The following FAM149B1 variants were observed in gnomAD, a reference collection of about 807,000 sequenced individuals.
The protein encoded by FAM149B1 is primary cilium assembly protein FAM149B1.
Under a neutral mutation model 75.3 loss-of-function variants are expected in FAM149B1, and 56 were observed. The ratio of observed to expected loss-of-function variants is 0.74; its 90% confidence interval spans 0.60 to 0.93. FAM149B1 has a LOEUF of 0.93. Among genes scored for constraint, FAM149B1 ranks in the 40% least tolerant of loss-of-function variants. The pLI, the probability that FAM149B1 is intolerant of heterozygous loss-of-function variation, is 0.00. For missense variants in FAM149B1, 639 were observed against 708.4 expected (o/e 0.90, Z 1.11); for synonymous variants, 259 against 256.1 (o/e 1.01, Z -0.11).
chr10:73,228,030 A>G, intron 7 of FAM149B1, 30 bp from the exon 8 acceptor site: 1 of 1,549,540 alleles, frequency 6.5e-7, no homozygotes. Flanking sequence ...AAGATTATCC[A>G]TGGATAATAT....
intron 5 of FAM149B1, among the ~76,000 whole-genome samples, chr10:73,199,486 A>G (rs12242638): frequency 0.15 from 23,281 of 151,774 alleles, 2,895 homozygotes; most frequent in African/African-American, 0.32. Context: ...CAAAGTGCTG[A>G]GATTACAGGC....
chr10:73,191,780 A>G (rs2042690590), intron 3 of FAM149B1, among the ~76,000 whole-genome samples: 2 of 152,174 alleles, frequency 1.3e-5, no homozygotes, highest in Admixed American at 1.3e-4. Context: ...TAAAATTAGC[A>G]ATCTATCTTT....
chr10:73,225,712 G>A (rs1174409824), intron 7 of FAM149B1, among the ~76,000 whole-genome samples: 1 of 152,158 alleles, frequency 6.6e-6, no homozygotes, highest in African/African-American at 2.4e-5. Context: ...CACTCACTCA[G>A]TGACTCACTC....
intron 7 of FAM149B1, 96 bp downstream of exon 7, chr10:73,210,534 TG>T: frequency 1.2e-6 from 1 of 848,538 alleles, no homozygotes; most frequent in Non-Finnish European, 1.8e-6. Context: ...GTGCAAAAGG[TG>T]CGTATGGGCC....
At chr10:73,236,557 G>A (rs369674445) in intron 12 of FAM149B1, among the ~76,000 whole-genome samples, 16 of 151,966 alleles carry the variant, frequency 1.1e-4, no homozygotes, top group Admixed American at 8.5e-4. Flanking sequence ...GGGACTACAG[G>A]TGCCTGCCAC....
rs2043963618 is a variant in FAM149B1, at chr10:73,242,299, C to T, written c.*1280C>T. 1 of 152,086 alleles carries T rather than the reference C, an allele frequency of 6.6e-6. No homozygotes were observed. Among genetic ancestry groups the T allele is most frequent in the Admixed American group, 6.5e-5 (1 of 15,278 alleles). 9.4% of individuals were successfully genotyped at this position (152,086 alleles called of 1,614,324 possible). A position where few individuals can be genotyped will look rare whatever the true frequency, so the allele number is the denominator to read the frequency against. ...GATTTAAACAGTCCCTTAAAAATTC[C>T]ATATATTCTCATACCAACTCATCTA... On this transcript the variant is annotated 3_prime_UTR_variant, in exon 14 of 14. Coordinates refer to ENST00000242505, the MANE Select transcript of FAM149B1 (RefSeq NM_173348.2).
At chr10:73,239,740 T>G (rs533690844) in intron 13 of FAM149B1, among the ~76,000 whole-genome samples, 1 of 152,268 alleles carries the variant, frequency 6.6e-6, no homozygotes, top group Admixed American at 6.5e-5. Flanking sequence ...TAGCATGGAT[T>G]TTATTATGCA....
At chr10:73,204,269 C>T (rs746081187) in intron 5 of FAM149B1, among the ~76,000 whole-genome samples, 2 of 152,046 alleles carry the variant, frequency 1.3e-5, no homozygotes, top group Non-Finnish European at 1.5e-5. Context: ...GGATTACAGG[C>T]ACATGCCATC....
intron 5 of FAM149B1, among the ~76,000 whole-genome samples, chr10:73,199,124 A>T (rs988286790): frequency 1.3e-5 from 2 of 152,214 alleles, no homozygotes; most frequent in Non-Finnish European, 2.9e-5. Context: ...CACACAAGAA[A>T]ACACATCTCT....
chr10:73,243,896 T>C lies in FAM149B1; in HGVS notation c.*2877T>C. The C allele has an allele frequency of 1.2e-6, 2 of 1,614,140 alleles. No homozygotes were observed. Among genetic ancestry groups the C allele is most frequent in the East Asian group, 4.5e-5 (2 of 44,878 alleles). On this transcript the variant is annotated 3_prime_UTR_variant, in exon 14 of 14. Transcript: ENST00000242505. The stretch of plus-strand genomic sequence containing the variant: ...CCTTCATCAAGCCCCAACTCCTTTC[T>C]GCTCATTTCTGCTTCTTTGGCCTCT...
intron 1 of FAM149B1, among the ~76,000 whole-genome samples, chr10:73,171,415 C>T (rs912434464): frequency 2.6e-5 from 4 of 151,882 alleles, no homozygotes; most frequent in African/African-American, 4.8e-5. Context: ...GCTTTGAAGC[C>T]GTAACTTTAG....
chr10:73,235,222 A>G lies in FAM149B1; in HGVS notation c.1506A>G (p.Gln502=), dbSNP rs2133409964. 6 of 1,551,718 alleles carry G rather than the reference A, an allele frequency of 3.9e-6. No individual in the cohort carries two copies. The highest frequency in any genetic ancestry group is 2.7e-5 in the African/African-American group (2 of 73,138). The change falls in exon 12 of 14, where the codon CAA becomes CAG. Residue 502 remains glutamine (Q), a synonymous_variant. Coordinates refer to ENST00000242505, the MANE Select transcript of FAM149B1 (RefSeq NM_173348.2). ...MKPHGDSSRA[Q]SAVVDEPNYQ... ...CCCATGGCGACTCTAGTCGAGCTCA[A>G]AGTGCGGTGGTGGATGAACCTAACT...
chr10:73,199,478 A>G lies in FAM149B1; in HGVS notation c.542+5885A>G, dbSNP rs2042884693. 2.0e-5 allele frequency among the ~76,000 whole-genome samples: 3 copies of G among 152,008 alleles called. No individual in the cohort carries two copies. In the South Asian group the frequency reaches 6.2e-4, roughly 32 times the overall value. On this transcript the variant is annotated intron_variant, in intron 5 of 13. Transcript: ENST00000242505. The stretch of plus-strand genomic sequence containing the variant: ...ATGGTCCACCCTCCTCAGCCTCCCA[A>G]AGTGCTGAGATTACAGGCGTGAGCC...
At chr10:73,185,655 G>T (rs2042503975) in intron 3 of FAM149B1, among the ~76,000 whole-genome samples, 1 of 152,086 alleles carries the variant, frequency 6.6e-6, no homozygotes, top group African/African-American at 2.4e-5. Context: ...ATTTAAAGAA[G>T]AAATCAGACT....
chr10:73,187,306 T>G (rs1444870034), intron 3 of FAM149B1, among the ~76,000 whole-genome samples: 1 of 149,986 alleles, frequency 6.7e-6, no homozygotes. Context: ...CAGTGCACTC[T>G]CTATCAAAAT....
chr10:73,218,845 C>T (rs2043348698), intron 7 of FAM149B1, among the ~76,000 whole-genome samples: 1 of 152,082 alleles, frequency 6.6e-6, no homozygotes, highest in Non-Finnish European at 1.5e-5. Flanking sequence ...GAACAGTTTT[C>T]CCCTCAATTT....
intron 13 of FAM149B1, among the ~76,000 whole-genome samples, chr10:73,240,503 C>G (rs1450222576): frequency 2.2e-4 from 34 of 152,140 alleles, no homozygotes; most frequent in Middle Eastern, 3.4e-3. Flanking sequence ...ACGAGGTCAG[C>G]ATATTGAGAC....
At chr10:73,233,253 T>C (rs1473439751) in intron 10 of FAM149B1, 90 bp downstream of exon 10, 2 of 946,044 alleles carry the variant, frequency 2.1e-6, no homozygotes, top group East Asian at 2.6e-5. Flanking sequence ...CTGAAATCTA[T>C]GCCTAGAAAC....
At chr10:73,178,371 A>T (rs1844062596) in intron 3 of FAM149B1, among the ~76,000 whole-genome samples, 1 of 152,038 alleles carries the variant, frequency 6.6e-6, no homozygotes, top group Non-Finnish European at 1.5e-5. Flanking sequence ...CATGCCTGTA[A>T]TCCCAGCTAC....
Sources: allele counts gnomAD v4.1 joint callset (sites outside exome capture counted in the v4.1 genomes callset), GRCh38; gene constraint gnomAD v4.1.1; transcripts MANE v1.5; gene names NCBI Gene and HGNC (gene_info 2026-07-23, HGNC 2026-07-21).